OXCT1: variants seen among roughly 807,000 people sequenced by gnomAD.
OXCT1 encodes the protein 3-oxoacid CoA-transferase 1.
Under a neutral mutation model 69.6 loss-of-function variants are expected in OXCT1, and 27 were observed. The ratio of observed to expected loss-of-function variants is 0.39; its 90% CI spans 0.29 to 0.54. The LOEUF is 0.54. Among genes scored for constraint, OXCT1 ranks in the 20% least tolerant of loss-of-function variants. The pLI, the probability that OXCT1 is intolerant of heterozygous loss-of-function variation, is 0.72. For synonymous variants in OXCT1, 202 were observed against 217.8 expected, an observed-to-expected ratio of 0.93 and a Z score of 0.64; for missense variants, 437 against 650.2, an observed-to-expected ratio of 0.67 and a Z score of 3.57.
intron 14 of OXCT1, among the ~76,000 whole-genome samples, chr5:41,750,135 GTTTTTTTTTT>G (rs11291155): frequency 1.4e-5 from 1 of 73,924 alleles, no homozygotes; most frequent in South Asian, 5.2e-4. Flanking sequence ...GTGTTTTTTG[GTTTTTTTTTT>G]TTTTTTTTTT....
chr5:41,837,500 G>A (rs1056726406), intron 7 of OXCT1, among the ~76,000 whole-genome samples: 3 of 151,738 alleles, frequency 2.0e-5, no homozygotes, highest in Non-Finnish European at 4.4e-5. Context: ...ATGAATGCAC[G>A]GGGCCACTGA....
intron 13 of OXCT1, among the ~76,000 whole-genome samples, chr5:41,772,287 C>A (rs957993463): frequency 1.3e-5 from 2 of 150,854 alleles, no homozygotes; most frequent in Non-Finnish European, 2.9e-5. Flanking sequence ...CCACTGTCTG[C>A]AAAGCTCTAA....
intron 7 of OXCT1, among the ~76,000 whole-genome samples, chr5:41,819,879 A>T (rs1486090632): frequency 1.3e-5 from 2 of 152,076 alleles, no homozygotes; most frequent in East Asian, 3.9e-4. Flanking sequence ...TTACTTCCGT[A>T]ACTGGTTACT....
intron 13 of OXCT1, among the ~76,000 whole-genome samples, chr5:41,782,982 T>G (rs992621676): frequency 6.6e-6 from 1 of 152,312 alleles, no homozygotes; most frequent in East Asian, 1.9e-4. Context: ...AAGAATTATA[T>G]CCTTAATTCC....
At position 41,807,368 on chromosome 5, in the gene OXCT1, C is replaced by T. The variant is rs2112279054; in HGVS notation, c.803G>A (p.Arg268His). ...CTCATATTTTTCTCCCTTTATAAGGCGATGTACATAAATCTGAGGAATATG... is the reference window on the plus strand; with the variant it reads ...CTCATATTTTTCTCCCTTTATAAGGTGATGTACATAAATCTGAGGAATATG... ...DIHIPQIYVH[R>H]LIKGEKYEKR... The change falls in exon 8 of 17, where the codon CGC (arginine) becomes CAC (histidine). Residue 268 changes from arginine to histidine, a missense_variant. Transcript: ENST00000196371. 3 of 1,599,614 alleles carry T rather than the reference C, an allele frequency of 1.9e-6. No individual in the cohort carries two copies. Among genetic ancestry groups the T allele is most frequent in the Non-Finnish European group, 2.6e-6 (3 of 1,167,422 alleles).
At chr5:41,799,394 C>T (rs1746326287) in intron 11 of OXCT1, among the ~76,000 whole-genome samples, 1 of 152,120 alleles carries the variant, frequency 6.6e-6, no homozygotes, top group South Asian at 2.1e-4. Context: ...AGCTTGGCTT[C>T]CCATAAGCAA....
chr5:41,790,533 G>A (rs1041393029), intron 13 of OXCT1, among the ~76,000 whole-genome samples: 1 of 152,080 alleles, frequency 6.6e-6, no homozygotes, highest in East Asian at 1.9e-4. Flanking sequence ...CATCCACACC[G>A]TTTGCTTGCC....
At chr5:41,798,146 C>T (rs1746265085) in intron 11 of OXCT1, among the ~76,000 whole-genome samples, 1 of 151,978 alleles carries the variant, frequency 6.6e-6, no homozygotes, top group Non-Finnish European at 1.5e-5. Context: ...AAAGACACAC[C>T]AAGAGCAAAG....
At chr5:41,808,004 A>G (rs1746769813) in intron 7 of OXCT1, among the ~76,000 whole-genome samples, 1 of 152,094 alleles carries the variant, frequency 6.6e-6, no homozygotes, top group Non-Finnish European at 1.5e-5. Context: ...ATTAATTCCA[A>G]TATGGAAACT....
chr5:41,837,578 C>T (rs2112388457), intron 7 of OXCT1, among the ~76,000 whole-genome samples: 2 of 144,380 alleles, frequency 1.4e-5, no homozygotes, highest in Middle Eastern at 7.2e-3. Context: ...AAAAAAAAGA[C>T]TACAATTGAA....
chr5:41,845,514 C>T (rs936709485), intron 5 of OXCT1, among the ~76,000 whole-genome samples: 1 of 151,744 alleles, frequency 6.6e-6, no homozygotes, highest in African/African-American at 2.4e-5. Context: ...AAGAGTAGGA[C>T]CTCAATAAAT....
At chr5:41,836,040 T>C (rs1362042154) in intron 7 of OXCT1, among the ~76,000 whole-genome samples, 1 of 152,148 alleles carries the variant, frequency 6.6e-6, no homozygotes, top group Non-Finnish European at 1.5e-5. Context: ...AGTTGAGAGC[T>C]TAACACAATA....
intron 16 of OXCT1, among the ~76,000 whole-genome samples, chr5:41,732,258 A>G (rs555340038): frequency 6.3e-4 from 96 of 152,358 alleles, no homozygotes; most frequent in African/African-American, 2.2e-3. Flanking sequence ...GATCAATGAT[A>G]AATCTTATCG....
intron 15 of OXCT1, among the ~76,000 whole-genome samples, chr5:41,746,472 T>C (rs1743495610): frequency 6.6e-6 from 1 of 152,068 alleles, no homozygotes; most frequent in Admixed American, 6.6e-5. Flanking sequence ...CACTGCATTC[T>C]CATTACTCAT....
chr5:41,859,891 T>TATATATGTA (rs1749652506), intron 3 of OXCT1, among the ~76,000 whole-genome samples: 3 of 114,214 alleles, frequency 2.6e-5, no homozygotes, highest in African/African-American at 9.0e-5. Flanking sequence ...ATATATGTAA[T>TATATATGTA]ATATATATAT....
intron 7 of OXCT1, among the ~76,000 whole-genome samples, chr5:41,817,547 A>G (rs1747310061): frequency 6.6e-6 from 1 of 152,188 alleles, no homozygotes; most frequent in Non-Finnish European, 1.5e-5. Context: ...TACTGGACAT[A>G]TCTGTTAAAT....
At chr5:41,840,635 G>A (rs1293591285) in intron 6 of OXCT1, 124 bp from the exon 7 acceptor site, 3 of 638,898 alleles carry the variant, frequency 4.7e-6, no homozygotes, top group Admixed American at 5.8e-5. Flanking sequence ...TTTCCAAAAA[G>A]AGTGTATCAT....
In OXCT1 at chr5:41,838,174, C is replaced by T. The variant is rs578071263; in HGVS notation, c.732+2277G>A. ...GCAACCTGGAGGCCAGCGCAGGTAACGGAGTGCATAGGGTATAGCACAGAA... is the reference window on the plus strand; with the variant it reads ...GCAACCTGGAGGCCAGCGCAGGTAATGGAGTGCATAGGGTATAGCACAGAA... On this transcript the variant is annotated intron_variant, in intron 7 of 16. Coordinates refer to ENST00000196371, the MANE Select transcript of OXCT1 (RefSeq NM_000436.4). Among the ~76,000 whole-genome samples the T allele has an allele frequency of 7.2e-5, 11 of 152,264 alleles. No homozygotes were observed. In the South Asian group the frequency reaches 1.5e-3, roughly 20 times the overall value.
At chr5:41,778,740 C>T (rs1056730646) in intron 13 of OXCT1, among the ~76,000 whole-genome samples, 1 of 152,218 alleles carries the variant, frequency 6.6e-6, no homozygotes, top group Non-Finnish European at 1.5e-5. Flanking sequence ...GTCAATGTAT[C>T]ATTTCTGCAA....
Sources: gnomAD v4.1 joint callset for allele counts (sites outside exome capture counted in the v4.1 genomes callset) on GRCh38, gnomAD v4.1.1 for gene constraint, MANE v1.5 for transcripts, NCBI Gene and HGNC (gene_info 2026-07-23, HGNC 2026-07-21) for gene names.